LSP1: variants seen among roughly 807,000 people sequenced by gnomAD.
LSP1 encodes the protein lymphocyte-specific protein 1.
LSP1 carries 32 observed loss-of-function variants against 49.3 expected under a neutral mutation model. The ratio of observed to expected loss-of-function variants is 0.65; its 90% CI spans 0.49 to 0.87. The LOEUF is 0.87. Ranked by LOEUF, LSP1 falls within the 40% of genes least tolerant of loss-of-function variation. LSP1 has a pLI of 0.00. For synonymous variants in LSP1, 179 were observed against 178.8 expected, an observed-to-expected ratio of 1.00 and a Z score of -0.01; for missense variants, 428 against 442.6, an observed-to-expected ratio of 0.97 and a Z score of 0.30.
At position 1,884,692 on chromosome 11, in the gene LSP1, C is replaced by A; in HGVS notation, c.717+111C>A. 1.2e-6 allele frequency: 1 copy of A among 842,890 alleles called. No individual in the cohort carries two copies. Among genetic ancestry groups the A allele is most frequent in the Non-Finnish European group, 1.9e-6 (1 of 519,432 alleles). 52.2% of individuals were successfully genotyped at this position (842,890 alleles called of 1,614,324 possible). On this transcript the variant is annotated intron_variant, in intron 7 of 10. Coordinates refer to ENST00000311604, the MANE Select transcript of LSP1 (RefSeq NM_002339.3). The surrounding 1 kb of genome is among the most constrained non-coding windows in gnomAD (Gnocchi z 4.1). ...AGTGCCGCCTTATTCAACCAACACCCTATCCAACCAATGCTTCTCCATCCA... is the reference window on the plus strand; with the variant it reads ...AGTGCCGCCTTATTCAACCAACACCATATCCAACCAATGCTTCTCCATCCA...
chr11:1,890,458 T>C, intron 10 of LSP1: 1 of 717,290 alleles, frequency 1.4e-6, no homozygotes, highest in Non-Finnish European at 2.6e-6. Context: ...GCTGCCTTCC[T>C]CAGGAGCTTC....
intron 1 of LSP1, among the ~76,000 whole-genome samples, chr11:1,856,502 T>C (rs575236049): frequency 9.2e-5 from 14 of 152,334 alleles, no homozygotes; most frequent in African/African-American, 3.4e-4. Flanking sequence ...GCACCTGCCA[T>C]GGACAGGGCC....
At chr11:1,858,746 G>C (rs1847551001) in intron 1 of LSP1, among the ~76,000 whole-genome samples, 2 of 152,222 alleles carry the variant, frequency 1.3e-5, no homozygotes, top group South Asian at 4.1e-4. Flanking sequence ...CCAACATCTA[G>C]GGACCTGAAA....
At chr11:1,876,561 A>G in intron 1 of LSP1, 1 of 985,482 alleles carries the variant, frequency 1.0e-6, no homozygotes, top group Non-Finnish European at 1.2e-6. Context: ...TGGGGCAGCC[A>G]CAGGAGCTGC....
intron 3 of LSP1, among the ~76,000 whole-genome samples, chr11:1,882,405 AG>A (rs778434776): frequency 2.0e-5 from 3 of 152,100 alleles, no homozygotes; most frequent in Non-Finnish European, 2.9e-5. Context: ...TCTAGGGACC[AG>A]TGTTGCTGAG....
intron 1 of LSP1, chr11:1,865,306 GTGCCCATGCTGGGC>G: frequency 1.1e-6 from 1 of 920,976 alleles, no homozygotes; most frequent in Admixed American, 6.2e-5. Flanking sequence ...GCAGGGCAGG[GTGCCCATGCTGGGC>G]TGCCACATGC....
Position 1,883,445 on chromosome 11 carries a change from A to G in LSP1, c.383A>G (p.Glu128Gly). The stretch of plus-strand genomic sequence containing the variant: ...CCCGGCCTGCATGCCTACGAAAAGG[A>G]GGACAGTGATGAAGTCCACCTGGAG... ...DRPGLHAYEK[E>G]DSDEVHLEEL... is the part of the protein sequence containing the mutation. The change falls in exon 4 of 11, where the codon GAG becomes GGG. Residue 128 changes from glutamate (E) to glycine (G), a missense_variant. Coordinates refer to ENST00000311604, the MANE Select transcript of LSP1 (RefSeq NM_002339.3). 1 of 1,614,074 alleles carries G rather than the reference A, an allele frequency of 6.2e-7. No homozygotes were observed. Among genetic ancestry groups the G allele is most frequent in the Non-Finnish European group, 8.5e-7 (1 of 1,180,004 alleles).
At chr11:1,867,356 C>A (rs1024390775) in intron 1 of LSP1, among the ~76,000 whole-genome samples, 1 of 147,104 alleles carries the variant, frequency 6.8e-6, no homozygotes, top group Non-Finnish European at 1.5e-5. Flanking sequence ...CACACCCACA[C>A]ACACACATGC....
intron 2 of LSP1, chr11:1,881,069 C>A: frequency 4.7e-6 from 1 of 211,072 alleles, no homozygotes; most frequent in South Asian, 7.0e-5. Flanking sequence ...CCTCAGGGAG[C>A]CCTACACTGA....
intron 1 of LSP1, chr11:1,865,094 G>T: frequency 1.7e-6 from 1 of 578,364 alleles, no homozygotes; most frequent in Non-Finnish European, 2.2e-6. Context: ...CAGGGGTGCG[G>T]GAGGAGGGCA....
chr11:1,876,146 G>A (rs1431476952), intron 1 of LSP1, among the ~76,000 whole-genome samples: 2 of 152,212 alleles, frequency 1.3e-5, no homozygotes, highest in South Asian at 2.1e-4. Context: ...GGCGGGGAGC[G>A]GGGTTGCTGT....
chr11:1,887,958 G>C (rs1848826633), intron 10 of LSP1, among the ~76,000 whole-genome samples: 1 of 152,158 alleles, frequency 6.6e-6, no homozygotes, highest in African/African-American at 2.4e-5. Context: ...CTGACCATCT[G>C]TATGCTGAGG....
In LSP1 at chr11:1,887,473, G is replaced by T. The variant is rs1285422584; in HGVS notation, c.931-1G>T. On this transcript the variant is annotated splice_acceptor_variant, in intron 9 of 10. Coordinates refer to ENST00000311604, the MANE Select transcript of LSP1 (RefSeq NM_002339.3). LOFTEE classifies it high-confidence loss of function. ...TCACTCTTGGTCTCCTTTCCCAACA[G>T]AGCACCCCATCTGGGAAGAGGTATA... 1 of 1,613,658 alleles carries T rather than the reference G, an allele frequency of 6.2e-7. No homozygotes were observed. Among genetic ancestry groups the T allele is most frequent in the Non-Finnish European group, 8.5e-7 (1 of 1,179,860 alleles).
intron 1 of LSP1, chr11:1,876,653 G>C: frequency 1.0e-6 from 1 of 984,602 alleles, no homozygotes; most frequent in Non-Finnish European, 1.2e-6. Flanking sequence ...GAGGTGGGTA[G>C]CTGGGAGTGC....
chr11:1,855,518 C>T (rs928347235), intron 1 of LSP1, among the ~76,000 whole-genome samples: 5 of 152,232 alleles, frequency 3.3e-5, no homozygotes, highest in Non-Finnish European at 5.9e-5. Context: ...TCAGACTGCC[C>T]GGGACGGGGC....
chr11:1,869,779 C>T (rs547607270), intron 1 of LSP1: 28 of 436,686 alleles, frequency 6.4e-5, no homozygotes, highest in Middle Eastern at 3.7e-4. Context: ...GAAAATGGGG[C>T]GCCCCACAGA....
chr11:1,869,558 G>T, intron 1 of LSP1: 1 of 451,378 alleles, frequency 2.2e-6, no homozygotes, highest in Non-Finnish European at 4.7e-6. Context: ...CCTTGCCGCC[G>T]ACCCCAGGTG....
intron 1 of LSP1, chr11:1,866,886 G>A (rs766377117): frequency 2.5e-4 from 390 of 1,530,740 alleles, no homozygotes; most frequent in South Asian, 1.2e-3. Flanking sequence ...TCCGTCCAGC[G>A]GGCCCAGCAC....
intron 1 of LSP1, among the ~76,000 whole-genome samples, chr11:1,856,801 A>T (rs1847500732): frequency 6.6e-6 from 1 of 152,218 alleles, no homozygotes; most frequent in Admixed American, 6.5e-5. Context: ...AGCCAAGGCC[A>T]GGCACCACCT....
Sources: gnomAD v4.1 joint callset for allele counts (sites outside exome capture counted in the v4.1 genomes callset) on GRCh38, gnomAD v4.1.1 for gene constraint, Gnocchi (gnomAD v3.1) non-coding constraint, MANE v1.5 for transcripts, NCBI Gene and HGNC (gene_info 2026-07-23, HGNC 2026-07-21) for gene names.